The following FAM178B variants were observed in gnomAD, a reference collection of about 807,000 sequenced individuals.
The protein encoded by FAM178B is family with sequence similarity 178 member B, also known as protein FAM178B.
FAM178B carries 82 observed loss-of-function variants against 91.7 expected under a neutral mutation model. The observed-to-expected ratio is 0.89, with a 90% CI of 0.75 to 1.07. FAM178B has a LOEUF of 1.07. Among genes scored for constraint, FAM178B ranks in the 50% least tolerant of loss-of-function variants. The pLI, the probability that FAM178B is intolerant of heterozygous loss-of-function variation, is 0.00. For synonymous variants in FAM178B, 368 were observed against 359.4 expected, an observed-to-expected ratio of 1.02 and a Z score of -0.27; for missense variants, 769 against 846.7, an observed-to-expected ratio of 0.91 and a Z score of 1.14.
At chr2:96,907,612 A>G (rs2081080425) in intron 12 of FAM178B, among the ~76,000 whole-genome samples, 1 of 152,264 alleles carries the variant, frequency 6.6e-6, no homozygotes, top group Non-Finnish European at 1.5e-5. Flanking sequence ...CCACAAGACC[A>G]GGACACTGGA....
intron 8 of FAM178B, among the ~76,000 whole-genome samples, chr2:96,938,349 T>A (rs984684999): frequency 1.3e-5 from 2 of 152,058 alleles, no homozygotes; most frequent in Non-Finnish European, 2.9e-5. Context: ...CTTGTATAGG[T>A]GGTGGAATGT....
At chr2:96,927,599 A>G (rs574507447) in intron 9 of FAM178B, among the ~76,000 whole-genome samples, 1 of 152,316 alleles carries the variant, frequency 6.6e-6, no homozygotes, top group South Asian at 2.1e-4. Flanking sequence ...TGTGTCCCAA[A>G]GTACTTGAGA....
chr2:96,946,182 G>T (rs1368156040), intron 8 of FAM178B, among the ~76,000 whole-genome samples: 1 of 152,144 alleles, frequency 6.6e-6, no homozygotes, highest in Non-Finnish European at 1.5e-5. Flanking sequence ...CCATCTTGTA[G>T]CATGTGTCAG....
At position 96,921,244 on chromosome 2, in the gene FAM178B, T is replaced by C. The variant is rs1464749304; in HGVS notation, c.1483A>G (p.Thr495Ala). 1 of 1,551,538 alleles carries C rather than the reference T, an allele frequency of 6.4e-7. No individual in the cohort carries two copies. Among genetic ancestry groups the C allele is most frequent in the South Asian group, 1.2e-5 (1 of 84,050 alleles). ...TGGTGGTCAGACACCCAGCTCAGGG[T>C]GCAGCACAGTTCCTGGAGCTGCAGG... is the stretch of plus-strand genomic sequence containing the variant. ...WPGKLQELCC[T>A]LSWVSDHHHN... The change falls in exon 12 of 17, where the codon ACC (threonine) becomes GCC (alanine). Residue 495 changes from threonine (T) to alanine (A), a missense_variant. Transcript: ENST00000490605.
At position 96,913,112 on chromosome 2, in the gene FAM178B, CAGA is replaced by C. The variant is rs547161341; in HGVS notation, c.1562+8050_1562+8052del. On this transcript the variant is annotated intron_variant, in intron 12 of 16. Transcript: ENST00000490605. ...ACGGTACAAGAATAAGGGATGACTGCAGAAGGTTTTGGGAGAGGCAGGACTGCC... is the reference window on the plus strand; with the variant it reads ...ACGGTACAAGAATAAGGGATGACTGCAGGTTTTGGGAGAGGCAGGACTGCC... Among the ~76,000 whole-genome samples, 20 of 152,308 alleles carry C rather than the reference CAGA, an allele frequency of 1.3e-4. No individual in the cohort carries two copies. The East Asian group carries it at 3.3e-3, about 25-fold the overall frequency.
intron 12 of FAM178B, among the ~76,000 whole-genome samples, chr2:96,912,496 C>T (rs1206550325): frequency 1.3e-5 from 2 of 151,748 alleles, no homozygotes; most frequent in African/African-American, 4.8e-5. Flanking sequence ...GCCAGGAGGG[C>T]CCTGGGAAGC....
intron 14 of FAM178B, among the ~76,000 whole-genome samples, chr2:96,890,226 G>A (rs1400058639): frequency 6.6e-6 from 1 of 152,120 alleles, no homozygotes; most frequent in African/African-American, 2.4e-5. Flanking sequence ...AGTGAGCCGA[G>A]ATCCAGTCAG....
chr2:96,894,820 C>A (rs1239330824), intron 13 of FAM178B, among the ~76,000 whole-genome samples: 1 of 78,208 alleles, frequency 1.3e-5, no homozygotes, highest in African/African-American at 5.6e-5. Flanking sequence ...CATACACAGA[C>A]CCCCTATACA....
rs1178113601 is a variant in FAM178B at position 96,921,204 on chromosome 2, G to T, written c.1523C>A (p.Ala508Asp). The change falls in exon 12 of 17, where the codon GCC becomes GAC. Residue 508 changes from alanine to aspartate, a missense_variant. Physicochemically the swap from Ala to Asp is moderately radical, Grantham distance 126. Transcript: ENST00000490605. ...CATGTCTGGGAAGAACTGCACGAGG[G>T]CCAGCAGGTTGTGGTGGTGGTCAGA... is the stretch of plus-strand genomic sequence containing the variant. Reference protein sequence around the residue: ...WVSDHHHNLLALVQFFPDMTS... With the variant: ...WVSDHHHNLLDLVQFFPDMTS... 3.2e-6 allele frequency: 5 copies of T among 1,551,438 alleles called. No homozygotes were observed. In the African/African-American group the frequency reaches 5.5e-5, roughly 17 times the overall value.
intron 12 of FAM178B, among the ~76,000 whole-genome samples, chr2:96,903,374 C>G (rs2080971388): frequency 6.6e-6 from 1 of 152,244 alleles, no homozygotes; most frequent in Non-Finnish European, 1.5e-5. Context: ...CTCTTCTTTC[C>G]TTTGTGGCTC....
intron 13 of FAM178B, among the ~76,000 whole-genome samples, chr2:96,900,445 C>A (rs565021320): frequency 3.6e-4 from 55 of 152,202 alleles, no homozygotes; most frequent in Non-Finnish European, 4.7e-4. Context: ...CAGGCACCGC[C>A]AGGTGCCGAG....
At chr2:96,925,931 A>G (rs1002343148) in intron 9 of FAM178B, among the ~76,000 whole-genome samples, 3 of 152,152 alleles carry the variant, frequency 2.0e-5, no homozygotes, top group African/African-American at 7.2e-5. Flanking sequence ...TTGCCCCCTC[A>G]CTTGATAGGA....
chr2:96,956,449 G>T (rs1480078456), intron 6 of FAM178B, among the ~76,000 whole-genome samples: 1 of 152,194 alleles, frequency 6.6e-6, no homozygotes, highest in Admixed American at 6.5e-5. Context: ...GGACGCAGAC[G>T]CCAAGCCCAC....
At chr2:96,888,905 C>T (rs1276239246) in intron 14 of FAM178B, among the ~76,000 whole-genome samples, 1 of 152,206 alleles carries the variant, frequency 6.6e-6, no homozygotes, top group Non-Finnish European at 1.5e-5. Flanking sequence ...CCGCCAACAA[C>T]TCCATTCTGT....
At chr2:96,900,229 T>C (rs1301771276) in intron 13 of FAM178B, among the ~76,000 whole-genome samples, 1 of 152,112 alleles carries the variant, frequency 6.6e-6, no homozygotes, top group Non-Finnish European at 1.5e-5. Flanking sequence ...CCCCTGCCTC[T>C]AACTGCTGGC....
At chr2:96,924,165 G>A (rs1030785630) in intron 9 of FAM178B, among the ~76,000 whole-genome samples, 4 of 152,162 alleles carry the variant, frequency 2.6e-5, no homozygotes, top group African/African-American at 9.7e-5. Context: ...GTGAGGCCTC[G>A]AGCTTTAGTT....
chr2:96,919,507 C>T (rs185837691), intron 12 of FAM178B, among the ~76,000 whole-genome samples: 22 of 152,250 alleles, frequency 1.4e-4, no homozygotes, highest in East Asian at 1.4e-3. Context: ...CTGGCTGTCA[C>T]GGAGTTGGAT....
chr2:96,977,805 G>A, intron 1 of FAM178B: 1 of 456,522 alleles, frequency 2.2e-6, no homozygotes. Flanking sequence ...CTAAGTTTAG[G>A]ACGCATAATA....
chr2:96,907,144 C>T lies in FAM178B; in HGVS notation c.1563-4437G>A, dbSNP rs373771436. Among the ~76,000 whole-genome samples, 162 of 152,242 alleles carry T rather than the reference C, an allele frequency of 1.1e-3. No individual in the cohort carries two copies. In the South Asian group the frequency reaches 0.014, roughly 13 times the overall value. On this transcript the variant is annotated intron_variant, in intron 12 of 16. Coordinates refer to ENST00000490605, the MANE Select transcript of FAM178B (RefSeq NM_001122646.3). ...AAGAAACCCACATGTGAGTGGCGAGCCCCCTTGCTGTCCCCGCCTGCCCAC... is the reference window on the plus strand; with the variant it reads ...AAGAAACCCACATGTGAGTGGCGAGTCCCCTTGCTGTCCCCGCCTGCCCAC...
Sources: gnomAD v4.1 joint callset for allele counts (sites outside exome capture counted in the v4.1 genomes callset) on GRCh38, gnomAD v4.1.1 for gene constraint, MANE v1.5 for transcripts, NCBI Gene and HGNC (gene_info 2026-07-23, HGNC 2026-07-21) for gene names.